PLEC: variants seen among roughly 807,000 people sequenced by gnomAD.
PLEC encodes the protein plectin.
In PLEC, 216 loss-of-function variants were observed where a neutral mutation model predicts 392.8. The ratio of observed to expected loss-of-function variants is 0.55; its 90% confidence interval spans 0.49 to 0.62. The LOEUF is 0.62. PLEC is among the 20% of genes least tolerant of loss of function. The probability of loss-of-function intolerance (pLI) is 0.00; values close to 1 mark genes in which losing one functional copy is unlikely to be tolerated. For missense variants in PLEC, 6,863 were observed against 6,563.4 expected (o/e 1.05, Z -1.58); for synonymous variants, 3,621 against 2,980.6 (o/e 1.21, Z -7.00).
chr8:143,952,167 C>A (rs1043062174), upstream of PLEC, among the ~76,000 whole-genome samples: 5 of 150,576 alleles, frequency 3.3e-5, no homozygotes, highest in Non-Finnish European at 7.4e-5. Context: ...CATGGCGCCA[C>A]GGTGCAGGCT....
Position 143,922,142 on chromosome 8 carries a change from T to C in PLEC, c.7679A>G (p.His2560Arg), listed in dbSNP as rs781902135. The C allele has an allele frequency of 4.5e-6, 7 of 1,540,342 alleles. No homozygotes were observed. The East Asian group carries it at 1.2e-4, about 27-fold the overall frequency. Residue 2560 changes from histidine to arginine, a missense_variant, in exon 32 of 32, where the codon CAT becomes CGT. His to Arg is a conservative substitution (Grantham distance 29). Coordinates refer to ENST00000345136, the MANE Select transcript of PLEC (RefSeq NM_201384.3). Reference protein sequence around the residue: ...ASMEEARRRQHEAEEGVRRKQ... With the variant: ...ASMEEARRRQREAEEGVRRKQ... Reference sequence around the variant, plus strand: ...GCGCCGCACGCCCTCCTCGGCCTCATGCTGCCGCCGCCGCGCCTCCTCCAT... The same window carrying C: ...GCGCCGCACGCCCTCCTCGGCCTCACGCTGCCGCCGCCGCGCCTCCTCCAT...
At chr8:143,935,775 G>A in intron 6 of PLEC, 73 bp downstream of exon 6, 1 of 1,530,298 alleles carries the variant, frequency 6.5e-7, no homozygotes, top group South Asian at 1.1e-5. Context: ...GCCCCAACGT[G>A]TCTGAAGTTG....
chr8:143,928,767 G>A (rs1304545579), intron 25 of PLEC, among the ~76,000 whole-genome samples: 1 of 152,168 alleles, frequency 6.6e-6, no homozygotes, highest in Non-Finnish European at 1.5e-5. Context: ...CAGGACAGAC[G>A]AGAGGCAGGG....
rs1554677246 is a variant in PLEC at position 143,919,142 on chromosome 8, T to C, written c.10679A>G (p.Glu3560Gly). The change falls in exon 32 of 32, where the codon GAG (glutamate) becomes GGG (glycine). Residue 3560 changes from glutamate (E) to glycine (G), a missense_variant. Glu to Gly is a moderately conservative substitution (Grantham distance 98). Transcript: ENST00000345136. Reference sequence around the variant, plus strand: ...TTCAAATGCCCTTCTTGTCTCCTCCTCAGTGTACACCTGCGTGGTCTCCAC... The same window carrying C: ...TTCAAATGCCCTTCTTGTCTCCTCCCCAGTGTACACCTGCGTGGTCTCCAC... ...EVVETTQVYTEEETRRAFEET... is the reference protein window; with the variant it reads ...EVVETTQVYTGEETRRAFEET... The C allele has an allele frequency of 5.6e-6, 9 of 1,613,410 alleles. No individual in the cohort carries two copies. Among genetic ancestry groups the C allele is most frequent in the Non-Finnish European group, 7.6e-6 (9 of 1,180,016 alleles).
Position 143,924,090 on chromosome 8 carries a change from C to T in PLEC, c.5839G>A (p.Glu1947Lys), listed in dbSNP as rs1554695680. 1 of 1,598,474 alleles carries T rather than the reference C, an allele frequency of 6.3e-7. No individual in the cohort carries two copies. The highest frequency in any genetic ancestry group is 8.5e-7 in the Non-Finnish European group (1 of 1,179,336). Reference protein sequence around the residue: ...AAAGKAELELELGRIRSNAED... With the variant: ...AAAGKAELELKLGRIRSNAED... ...GCGTTGCTGCGGATGCGTCCCAGCT[C>T]CAGCTCCAGCTCCGCCTTGCCAGCG... The change falls in exon 31 of 32, where the codon GAG (glutamate) becomes AAG (lysine). Residue 1947 changes from glutamate (E) to lysine (K), a missense_variant. Coordinates refer to ENST00000345136, the MANE Select transcript of PLEC (RefSeq NM_201384.3).
rs532498937 is a variant in PLEC at position 143,947,710 on chromosome 8, A to G, written c.523+2474T>C. On this transcript the variant is annotated intron_variant, in intron 1 of 31. Coordinates refer to the PLEC transcript ENST00000322810. ...GGTTGCAGTGAGCCAAGACTGTGCT[A>G]TTGCACTCCAGCCTGGGCAACAGAG... 9.2e-5 allele frequency among the ~76,000 whole-genome samples: 14 copies of G among 152,350 alleles called. No individual in the cohort carries two copies. In the East Asian group the frequency reaches 1.9e-3, roughly 21 times the overall value.
At chr8:143,951,699 GC>G (rs1832164192), upstream of PLEC, among the ~76,000 whole-genome samples, 1 of 152,084 alleles carries the variant, frequency 6.6e-6, no homozygotes, top group African/African-American at 2.4e-5. Flanking sequence ...AGTCCCTACC[GC>G]CCACAGATGC....
rs572481168 is a variant in PLEC at position 143,934,013 on chromosome 8, G to T, written c.1248C>A (p.Asp416Glu). Residue 416 changes from aspartate to glutamate, a missense_variant, in exon 12 of 32, where the codon GAC (aspartate) becomes GAA (glutamate). Transcript: ENST00000345136. ...GLCEEQLNQADALLQSDVRLL... is the reference protein window; with the variant it reads ...GLCEEQLNQAEALLQSDVRLL... ...ACCCCCTCACCGACTGCAGCAGGGC[G>T]TCGGCCTGGTTCAGCTGCTCCTCAC... 4 of 1,607,894 alleles carry T rather than the reference G, an allele frequency of 2.5e-6. No homozygotes were observed. In the East Asian group the frequency reaches 6.7e-5, roughly 27 times the overall value.
chr8:143,922,205 TGCTGCTGCC>T lies in PLEC; in HGVS notation c.7607_7615del (p.Arg2536_Gln2538del), dbSNP rs1299130078. ...CCGCTGCCGTTCCTGCTCCATCTGC[TGCTGCTGCC>T]GCTGCTGCTCCTCACGCAGCTGCTG... On this transcript the variant is annotated inframe_deletion, in exon 32 of 32. Transcript: ENST00000345136. The T allele has an allele frequency of 1.9e-6, 3 of 1,555,280 alleles. No individual in the cohort carries two copies. The highest frequency in any genetic ancestry group is 2.7e-5 in the African/African-American group (2 of 74,040).
intron 1 of PLEC, among the ~76,000 whole-genome samples, chr8:143,971,362 G>A (rs1290670902): frequency 3.9e-5 from 6 of 152,128 alleles, no homozygotes; most frequent in African/African-American, 1.4e-4. Flanking sequence ...CTGGGCCCAG[G>A]ACAGGGGCCC....
At chr8:143,938,446 G>T in intron 2 of PLEC, 185 bp downstream of exon 2, 1 of 1,541,652 alleles carries the variant, frequency 6.5e-7, no homozygotes, top group Admixed American at 1.9e-5. Flanking sequence ...AGACCAGAAG[G>T]AAGAGGAGGA....
At position 143,917,281 on chromosome 8, in the gene PLEC, C is replaced by T. The variant is rs782634047; in HGVS notation, c.12540G>A (p.Glu4180=). The T allele has an allele frequency of 6.2e-7, 1 of 1,609,606 alleles. No homozygotes were observed. Residue 4180 remains glutamate (E), a synonymous_variant, in exon 32 of 32, where the codon GAG becomes GAA. Coordinates refer to ENST00000345136, the MANE Select transcript of PLEC (RefSeq NM_201384.3). ...CGCCGTCCGAGGAGGAGATGGTGAT[C>T]TCCTCCCACTCGCACTCCTGCTCGG... ...ELSEQECEWE[E]ITISSSDGVV...
Position 143,918,490 on chromosome 8 carries a change from C to T in PLEC, c.11331G>A (p.Glu3777=), listed in dbSNP as rs1554675428. ...TGGCCTGGAAGAGCGAGATGGTCTG[C>T]TCGGTGTAGGGGTCACGGTAGCCGG... ...AVTGYRDPYT[E]QTISLFQAMK... The change falls in exon 32 of 32, where the codon GAG becomes GAA. Residue 3777 remains glutamate, a synonymous_variant. Transcript: ENST00000345136. 6.2e-7 allele frequency: 1 copy of T among 1,601,154 alleles called. No individual in the cohort carries two copies. Among genetic ancestry groups the T allele is most frequent in the South Asian group, 1.1e-5 (1 of 89,992 alleles).
At position 143,916,210 on chromosome 8, in the gene PLEC, G is replaced by A. The variant is rs1820456355; in HGVS notation, c.13611C>T (p.Ala4537=). The A allele has an allele frequency of 1.3e-6, 2 of 1,544,920 alleles. No individual in the cohort carries two copies. The highest frequency in any genetic ancestry group is 1.7e-6 in the Non-Finnish European group (2 of 1,145,058). Residue 4537 remains alanine (A), a synonymous_variant, in exon 32 of 32, where the codon GCC becomes GCT. Coordinates refer to ENST00000345136, the MANE Select transcript of PLEC (RefSeq NM_201384.3). The stretch of plus-strand genomic sequence containing the variant: ...CGGCAGACTCAGGGCCCCCCAGGGA[G>A]GCCGAGGACCCCGAGGCGTAGCGGC... ...YGRRYASGSS[A]SLGGPESAVA is the part of the protein sequence containing the mutation.
At chr8:143,942,351 G>C (rs1830645020), upstream of PLEC, 2 of 1,596,908 alleles carry the variant, frequency 1.3e-6, no homozygotes, top group Admixed American at 1.7e-5. Flanking sequence ...TGAGAGCGAT[G>C]GTGGCCCCTT....
upstream of PLEC, among the ~76,000 whole-genome samples, chr8:143,955,792 C>A (rs1554739058): frequency 6.6e-6 from 1 of 151,874 alleles, no homozygotes; most frequent in Admixed American, 6.6e-5. Flanking sequence ...TACAGACAGT[C>A]TGTCTCTGTG....
Position 143,929,405 on chromosome 8 carries a change from G to A in PLEC, c.3081+9C>T, listed in dbSNP as rs371983298. 2.6e-6 allele frequency: 4 copies of A among 1,560,610 alleles called. No individual in the cohort carries two copies. Among genetic ancestry groups the A allele is most frequent in the Non-Finnish European group, 3.5e-6 (4 of 1,155,526 alleles). On this transcript the variant is annotated intron_variant, in intron 24 of 31. Coordinates refer to ENST00000345136, the MANE Select transcript of PLEC (RefSeq NM_201384.3). The stretch of plus-strand genomic sequence containing the variant: ...GGGATGGGACTGGATGGGGGGGGAC[G>A]GCCCCTGCCTGCTGCTCGGCGATGC...
rs1823252003 is a variant in PLEC, at chr8:143,922,643, G to A, written c.7286C>T (p.Thr2429Ile). 4.3e-6 allele frequency: 7 copies of A among 1,613,544 alleles called. No individual in the cohort carries two copies. The highest frequency in any genetic ancestry group is 5.1e-6 in the Non-Finnish European group (6 of 1,179,972). The part of the protein sequence containing the change: ...RTELATQEKV[T>I]LVQTLEIQRQ... ...CTGGATCTCCAGTGTCTGCACCAGG[G>A]TCACCTTCTCCTGGGTGGCGAGCTC... Residue 2429 changes from threonine to isoleucine, a missense_variant, in exon 31 of 32, where the codon ACC becomes ATC. Thr to Ile is a moderately conservative substitution (Grantham distance 89). Coordinates refer to ENST00000345136, the MANE Select transcript of PLEC (RefSeq NM_201384.3).
chr8:143,931,790 C>A (rs1420611185), intron 18 of PLEC, 131 bp from the exon 19 acceptor site: 4 of 1,483,482 alleles, frequency 2.7e-6, no homozygotes, highest in Non-Finnish European at 3.7e-6. Context: ...CTGGGGAGCA[C>A]CCCTGTCCAA....
Sources: allele counts gnomAD v4.1 joint callset (sites outside exome capture counted in the v4.1 genomes callset), GRCh38; gene constraint gnomAD v4.1.1; transcripts MANE v1.5; gene names NCBI Gene and HGNC (gene_info 2026-07-23, HGNC 2026-07-21).